The following DPP6 variants were observed in gnomAD, a reference collection of about 807,000 sequenced individuals.
DPP6 encodes the protein dipeptidyl peptidase like 6.
A neutral mutation model predicts 122.6 loss-of-function variants in DPP6; 69 were observed. The observed-to-expected ratio is 0.56, with a 90% CI of 0.46 to 0.69. The LOEUF (loss-of-function observed/expected upper bound fraction) is 0.69, where lower values mean the gene tolerates loss of function less well. Ranked by LOEUF, DPP6 falls within the 30% of genes least tolerant of loss-of-function variation. The pLI, the probability that DPP6 is intolerant of heterozygous loss-of-function variation, is 0.00. For missense variants in DPP6, 928 were observed against 1,116.9 expected (o/e 0.83, Z 2.41); for synonymous variants, 418 against 433.1 (o/e 0.97, Z 0.43).
At chr7:153,964,873 CT>C (rs201574970) in intron 1 of DPP6, among the ~76,000 whole-genome samples, 1,752 of 129,944 alleles carry the variant, frequency 0.013, 239 homozygotes, top group African/African-American at 0.064. Flanking sequence ...CTTTCCTTTC[CT>C]TTTTTTCTTT....
chr7:154,011,614 T>C, intron 1 of DPP6, among the ~76,000 whole-genome samples: 1 of 152,232 alleles, frequency 6.6e-6, no homozygotes, highest in East Asian at 1.9e-4. Flanking sequence ...CATATTATTA[T>C]TTCTACCTGA....
chr7:154,126,812 G>T (rs1412918092), intron 1 of DPP6, among the ~76,000 whole-genome samples: 2 of 152,196 alleles, frequency 1.3e-5, no homozygotes, highest in African/African-American at 4.8e-5. Flanking sequence ...AGCTCATGGG[G>T]CCAGCCCCAG....
chr7:154,550,905 C>T (rs1048158385), intron 4 of DPP6, among the ~76,000 whole-genome samples: 1 of 152,112 alleles, frequency 6.6e-6, no homozygotes, highest in South Asian at 2.1e-4. Flanking sequence ...CGAGTGCCAC[C>T]ATGCCCGGCT....
At chr7:154,857,518 T>A (rs1325059009) in intron 17 of DPP6, among the ~76,000 whole-genome samples, 1 of 152,200 alleles carries the variant, frequency 6.6e-6, no homozygotes, top group Non-Finnish European at 1.5e-5. Flanking sequence ...GTTTCTTCAG[T>A]GTGTTTACCT....
chr7:153,999,788 G>C (rs1585155465), intron 1 of DPP6, among the ~76,000 whole-genome samples: 2 of 152,242 alleles, frequency 1.3e-5, no homozygotes, highest in Middle Eastern at 3.4e-3. Flanking sequence ...GTGAGATGCT[G>C]TCTCTATTAA....
chr7:153,785,822 G>A, the DPP6 span, among the ~76,000 whole-genome samples: 1 of 151,178 alleles, frequency 6.6e-6, no homozygotes, highest in Non-Finnish European at 1.5e-5. Context: ...GCCTAGCTAA[G>A]TTTTCCTTTT....
chr7:154,139,888 A>T (rs1479823800), intron 1 of DPP6, among the ~76,000 whole-genome samples: 1 of 152,176 alleles, frequency 6.6e-6, no homozygotes, highest in African/African-American at 2.4e-5. Context: ...GCCAGTCTGT[A>T]TGAGAGACAG....
At chr7:154,045,110 C>T (rs1450538965) in intron 1 of DPP6, among the ~76,000 whole-genome samples, 3 of 151,462 alleles carry the variant, frequency 2.0e-5, no homozygotes, top group South Asian at 4.2e-4. Flanking sequence ...ACTTAAACAT[C>T]AGTTCAAGGG....
chr7:154,494,401 A>G (rs1442372913), intron 3 of DPP6, among the ~76,000 whole-genome samples: 1 of 148,362 alleles, frequency 6.7e-6, no homozygotes, highest in East Asian at 1.9e-4. Flanking sequence ...ATAAATATAT[A>G]ATATATGATA....
At chr7:154,805,698 G>A (rs569833844) in intron 15 of DPP6, among the ~76,000 whole-genome samples, 20 of 152,102 alleles carry the variant, frequency 1.3e-4, no homozygotes, top group Non-Finnish European at 2.6e-4. Context: ...TTTCTAGGGC[G>A]TGTCCCTCTT....
At chr7:154,541,633 G>A (rs1050657960) in intron 4 of DPP6, among the ~76,000 whole-genome samples, 2 of 152,074 alleles carry the variant, frequency 1.3e-5, no homozygotes, top group Non-Finnish European at 2.9e-5. Context: ...TGAGACACTG[G>A]GGAAATCAAA....
chr7:154,431,518 A>ATTTC lies in DPP6; in HGVS notation c.244-14680_244-14677dup, dbSNP rs1387021780. ...TTTCTTTTCTTTTCTTTCTTTTATTATTTCTTTCTTTCTTTCTTTTTTTTT... is the reference window on the plus strand; with the variant it reads ...TTTCTTTTCTTTTCTTTCTTTTATTATTTCTTTCTTTCTTTCTTTCTTTTTTTTT... On this transcript the variant is annotated intron_variant, in intron 1 of 25. Coordinates refer to ENST00000377770, the MANE Select transcript of DPP6 (RefSeq NM_130797.4). 3.4e-4 allele frequency among the ~76,000 whole-genome samples: 19 copies of ATTTC among 55,710 alleles called. 1 individual carries two copies. The highest frequency in any genetic ancestry group is 1.6e-4 in the African/African-American group (2 of 12,752). 36.5% of individuals were successfully genotyped at this position (55,710 alleles called of 152,430 possible).
chr7:154,257,712 T>C (rs1473707886), intron 1 of DPP6, among the ~76,000 whole-genome samples: 1 of 151,586 alleles, frequency 6.6e-6, no homozygotes, highest in Non-Finnish European at 1.5e-5. Flanking sequence ...AATAAACAAA[T>C]AAATAAATAA....
intron 1 of DPP6, among the ~76,000 whole-genome samples, chr7:154,254,810 A>G (rs987872751): frequency 6.6e-6 from 1 of 152,192 alleles, no homozygotes; most frequent in Non-Finnish European, 1.5e-5. Flanking sequence ...TTTAATGATC[A>G]TGAGAGCAAG....
intron 3 of DPP6, among the ~76,000 whole-genome samples, chr7:154,478,843 C>G (rs1022248656): frequency 6.6e-6 from 1 of 152,208 alleles, no homozygotes; most frequent in African/African-American, 2.4e-5. Flanking sequence ...TTTGAAGTCT[C>G]TATTCTAGCT....
intron 1 of DPP6, among the ~76,000 whole-genome samples, chr7:154,327,025 C>T (rs1808503380): frequency 6.6e-6 from 1 of 152,056 alleles, no homozygotes; most frequent in Non-Finnish European, 1.5e-5. Flanking sequence ...GATCGTTAGA[C>T]AGATAAGAGA....
In DPP6 at chr7:154,486,724, G is replaced by A. The variant is rs530163600; in HGVS notation, c.457+11687G>A. On this transcript the variant is annotated intron_variant, in intron 3 of 25. Coordinates refer to ENST00000377770, the MANE Select transcript of DPP6 (RefSeq NM_130797.4). The surrounding 1 kb of genome is among the most constrained non-coding windows in gnomAD (Gnocchi z 4.5). ...TGGGGATGCAGCCCACTTCGCAGAG[G>A]CTGGATGCACTTCCTCCGTCTGAAA... Among the ~76,000 whole-genome samples the A allele has an allele frequency of 6.6e-6, 1 of 152,216 alleles. No individual in the cohort carries two copies. The highest frequency in any genetic ancestry group is 1.5e-5 in the Non-Finnish European group (1 of 68,040).
At chr7:153,864,465 G>A in the DPP6 span, among the ~76,000 whole-genome samples, 2 of 152,124 alleles carry the variant, frequency 1.3e-5, no homozygotes, top group Admixed American at 6.5e-5. Context: ...GACCAGACTG[G>A]CCAACATGGC....
chr7:153,936,383 C>T (rs1801441441), intron 1 of DPP6, among the ~76,000 whole-genome samples: 1 of 152,136 alleles, frequency 6.6e-6, no homozygotes, highest in Non-Finnish European at 1.5e-5. Context: ...GGGGAACGTC[C>T]TGCAGCTGTT....
Sources: gnomAD v4.1 joint callset for allele counts (sites outside exome capture counted in the v4.1 genomes callset) on GRCh38, gnomAD v4.1.1 for gene constraint, Gnocchi (gnomAD v3.1) non-coding constraint, MANE v1.5 for transcripts, NCBI Gene and HGNC (gene_info 2026-07-23, HGNC 2026-07-21) for gene names.